Variants in PLA2G4A observed in about 807,000 individuals in gnomAD.
PLA2G4A encodes cytosolic phospholipase A2.
A neutral mutation model predicts 81.9 loss-of-function variants in PLA2G4A; 40 were observed. That is an observed-to-expected ratio of 0.49 (90% CI 0.38 to 0.64). The LOEUF (loss-of-function observed/expected upper bound fraction) is 0.64. Among genes scored for constraint, PLA2G4A ranks in the 30% least tolerant of loss-of-function variants. PLA2G4A has a pLI of 0.00. For synonymous variants in PLA2G4A, 302 were observed against 296.9 expected (o/e 1.02, Z -0.18); for missense variants, 715 against 905.1 (o/e 0.79, Z 2.69).
At chr1:186,980,655 G>A (rs1368466291) in intron 17 of PLA2G4A, among the ~76,000 whole-genome samples, 1 of 152,132 alleles carries the variant, frequency 6.6e-6, no homozygotes, top group East Asian at 1.9e-4. Flanking sequence ...GATTTTGTGA[G>A]CTAATAGAAC....
At chr1:186,988,250 G>T (rs1657953938) in intron 17 of PLA2G4A, 127 bp from the exon 18 acceptor site, 4 of 688,500 alleles carry the variant, frequency 5.8e-6, no homozygotes, top group Non-Finnish European at 9.4e-6. Context: ...ATGACTCGTA[G>T]ATTTCTATTC....
At chr1:186,952,250 T>C (rs1656586489) in intron 13 of PLA2G4A, among the ~76,000 whole-genome samples, 2 of 152,200 alleles carry the variant, frequency 1.3e-5, no homozygotes, top group African/African-American at 4.8e-5. Flanking sequence ...TGATAACCCC[T>C]ACAGTACTAG....
intron 7 of PLA2G4A, among the ~76,000 whole-genome samples, chr1:186,917,369 G>A (rs188842362): frequency 4.6e-5 from 7 of 152,302 alleles, no homozygotes; most frequent in African/African-American, 1.7e-4. Context: ...CTATGATACA[G>A]TATTTCTTAA....
At chr1:186,984,326 G>C (rs1277337481) in intron 17 of PLA2G4A, among the ~76,000 whole-genome samples, 1 of 152,086 alleles carries the variant, frequency 6.6e-6, no homozygotes, top group Non-Finnish European at 1.5e-5. Flanking sequence ...TATGTCTTCT[G>C]AGATTTCTTT....
intron 2 of PLA2G4A, among the ~76,000 whole-genome samples, 163 bp downstream of exon 2, chr1:186,854,550 A>T (rs1652485487): frequency 6.6e-6 from 1 of 151,940 alleles, no homozygotes; most frequent in Non-Finnish European, 1.5e-5. Flanking sequence ...AACATAATAA[A>T]AATAATTTAT....
At chr1:186,964,901 C>T (rs1056364058) in intron 14 of PLA2G4A, among the ~76,000 whole-genome samples, 1 of 152,168 alleles carries the variant, frequency 6.6e-6, no homozygotes, top group African/African-American at 2.4e-5. Context: ...CACACTCACC[C>T]TCAAGAGAGG....
rs151280617 is a variant in PLA2G4A, at chr1:186,954,635, A to G, written c.1337-1467A>G. Among the ~76,000 whole-genome samples, 127 of 139,548 alleles carry G rather than the reference A, an allele frequency of 9.1e-4. 1 individual carries two copies. The East Asian group carries it at 0.011, about 12-fold the overall frequency. The allele number at this position is 139,548 out of a possible 152,430, so 91.5% of individuals were successfully genotyped here. A position where few individuals can be genotyped will look rare whatever the true frequency, so the allele number is the denominator to read the frequency against. ...TTTTATGTATGTTTAGTTTACATTTATTGGAAATTATGAAGCTGACTATAG... is the reference window on the plus strand; with the variant it reads ...TTTTATGTATGTTTAGTTTACATTTGTTGGAAATTATGAAGCTGACTATAG... On this transcript the variant is annotated intron_variant, in intron 13 of 17. Coordinates refer to ENST00000367466, the MANE Select transcript of PLA2G4A (RefSeq NM_024420.3).
chr1:186,830,596 G>A (rs1290914149), intron 1 of PLA2G4A, among the ~76,000 whole-genome samples: 5 of 90,044 alleles, frequency 5.6e-5, no homozygotes, highest in Admixed American at 3.3e-4. Flanking sequence ...CGAAAACAGC[G>A]AAGCTCTGTC....
At chr1:186,881,874 A>C (rs1459916451) in intron 3 of PLA2G4A, among the ~76,000 whole-genome samples, 1 of 152,006 alleles carries the variant, frequency 6.6e-6, no homozygotes, top group Non-Finnish European at 1.5e-5. Context: ...TCTTTTAGTA[A>C]TGTGTATCAT....
At chr1:186,838,258 A>G (rs1651859639) in intron 1 of PLA2G4A, among the ~76,000 whole-genome samples, 1 of 152,208 alleles carries the variant, frequency 6.6e-6, no homozygotes, top group Non-Finnish European at 1.5e-5. Context: ...CAAAGAAGCT[A>G]GATGGTTTCT....
chr1:186,903,576 A>G (rs1334596384), intron 5 of PLA2G4A, among the ~76,000 whole-genome samples: 1 of 152,132 alleles, frequency 6.6e-6, no homozygotes. Flanking sequence ...CTCCTGTAAG[A>G]TCAGCGGTGG....
rs1052293408 is a variant in PLA2G4A, at chr1:186,944,014, G to A, written c.1034-2623G>A. ...TTTTGTGATAAGGCCCTGGAACTAG[G>A]GACATACTGATAAGAAAAGAATAGA... On this transcript the variant is annotated intron_variant, in intron 10 of 17. Coordinates refer to ENST00000367466, the MANE Select transcript of PLA2G4A (RefSeq NM_024420.3). Among the ~76,000 whole-genome samples, 7 of 152,154 alleles carry A rather than the reference G, an allele frequency of 4.6e-5. No homozygotes were observed. In the East Asian group the frequency reaches 1.3e-3, roughly 29 times the overall value.
intron 12 of PLA2G4A, among the ~76,000 whole-genome samples, chr1:186,949,974 G>T (rs1316278070): frequency 6.6e-6 from 1 of 152,180 alleles, no homozygotes; most frequent in Non-Finnish European, 1.5e-5. Flanking sequence ...GGCAGAGGTT[G>T]AAATGAGCAG....
chr1:186,953,013 C>A (rs1482476127), intron 13 of PLA2G4A, among the ~76,000 whole-genome samples: 1 of 152,138 alleles, frequency 6.6e-6, no homozygotes, highest in Non-Finnish European at 1.5e-5. Context: ...ATGAATAAAA[C>A]TGCTAGAAAA....
At chr1:186,849,236 C>T (rs1652291349) in intron 1 of PLA2G4A, among the ~76,000 whole-genome samples, 1 of 151,948 alleles carries the variant, frequency 6.6e-6, no homozygotes, top group Non-Finnish European at 1.5e-5. Context: ...TATATTTGGG[C>T]CATTGTATTC....
At chr1:186,869,801 A>G (rs559009468) in intron 2 of PLA2G4A, among the ~76,000 whole-genome samples, 2 of 152,354 alleles carry the variant, frequency 1.3e-5, no homozygotes, top group South Asian at 4.1e-4. Flanking sequence ...TTTAGTGAGT[A>G]GAATTGTTTG....
chr1:186,892,144 A>T (rs544635833), intron 3 of PLA2G4A, among the ~76,000 whole-genome samples: 2 of 152,188 alleles, frequency 1.3e-5, no homozygotes, highest in South Asian at 4.1e-4. Flanking sequence ...ACATTATTAG[A>T]TGTTTTTCTA....
intron 2 of PLA2G4A, among the ~76,000 whole-genome samples, chr1:186,860,772 T>G (rs1022842518): frequency 6.6e-6 from 1 of 152,192 alleles, no homozygotes; most frequent in Admixed American, 6.5e-5. Flanking sequence ...TGTTTCTGCT[T>G]CTTTACCACA....
At chr1:186,925,393 T>A (rs1655512536) in intron 7 of PLA2G4A, among the ~76,000 whole-genome samples, 1 of 152,184 alleles carries the variant, frequency 6.6e-6, no homozygotes, top group African/African-American at 2.4e-5. Context: ...TTTCTATCCA[T>A]CCCAAGTTTA....
Sources: allele counts gnomAD v4.1 joint callset (sites outside exome capture counted in the v4.1 genomes callset), GRCh38; gene constraint gnomAD v4.1.1; transcripts MANE v1.5; gene names NCBI Gene and HGNC (gene_info 2026-07-23, HGNC 2026-07-21).